The following ABI1 variants were observed in gnomAD, a reference collection of about 807,000 sequenced individuals.
ABI1 encodes abl interactor 1.
A neutral mutation model predicts 54.6 loss-of-function variants in ABI1; 14 were observed. That is an observed-to-expected ratio of 0.26 (90% CI 0.17 to 0.40). ABI1 has a LOEUF of 0.40. Ranked by LOEUF, ABI1 falls within the 10% of genes least tolerant of loss-of-function variation. ABI1 has a pLI of 1.00. For synonymous variants in ABI1, 194 were observed against 209.3 expected (o/e 0.93, Z 0.63); for missense variants, 443 against 598.3 (o/e 0.74, Z 2.71).
chr10:26,767,807 G>A (rs573621928), intron 6 of ABI1, among the ~76,000 whole-genome samples: 1 of 152,260 alleles, frequency 6.6e-6, no homozygotes, highest in Non-Finnish European at 1.5e-5. Flanking sequence ...AACACTTTGG[G>A]AGGCCGAGGT....
At chr10:26,855,769 G>C (rs943586638) in intron 1 of ABI1, among the ~76,000 whole-genome samples, 1 of 151,814 alleles carries the variant, frequency 6.6e-6, no homozygotes, top group African/African-American at 2.4e-5. Context: ...TCAGGAGTTT[G>C]AGACCAGCCT....
intron 10 of ABI1, among the ~76,000 whole-genome samples, chr10:26,749,952 T>C (rs761932212): frequency 2.0e-5 from 3 of 152,244 alleles, no homozygotes; most frequent in Non-Finnish European, 2.9e-5. Flanking sequence ...CTTGGGAATA[T>C]ACTTTTTAAT....
At chr10:26,771,399 T>C (rs1486730873) in intron 3 of ABI1, among the ~76,000 whole-genome samples, 2 of 152,184 alleles carry the variant, frequency 1.3e-5, no homozygotes, top group African/African-American at 2.4e-5. Context: ...GAGTAACAGA[T>C]GATTTTAAAA....
In ABI1 at chr10:26,755,687, A is replaced by T; in HGVS notation, c.1052T>A (p.Leu351His). Reference sequence around the variant, plus strand: ...CTGCACCCTGGCCACGAAGCCTGTGAGAGGTATCTGTGGAGTCAACTGAGG... The same window carrying T: ...CTGCACCCTGGCCACGAAGCCTGTGTGAGGTATCTGTGGAGTCAACTGAGG... ...PMPQLTPQIP[L>H]TGFVARVQEN... Residue 351 changes from leucine (L) to histidine (H), a missense_variant, in exon 9 of 11, where the codon CTC becomes CAC. This residue lies in a region of ABI1 where 394 missense variants were observed against 484.8 expected (regional missense o/e 0.81). Coordinates refer to ENST00000376140, the MANE Select transcript of ABI1 (RefSeq NM_001012750.3). 1.2e-6 allele frequency: 2 copies of T among 1,613,632 alleles called. No homozygotes were observed. Among genetic ancestry groups the T allele is most frequent in the Non-Finnish European group, 1.7e-6 (2 of 1,179,678 alleles).
At chr10:26,751,324 C>T (rs1373504308) in intron 10 of ABI1, among the ~76,000 whole-genome samples, 1 of 152,136 alleles carries the variant, frequency 6.6e-6, no homozygotes, top group African/African-American at 2.4e-5. Flanking sequence ...GCTGTTTCAT[C>T]TATAAAATGC....
intron 7 of ABI1, 118 bp downstream of exon 7, chr10:26,765,100 A>T (rs1336356788): frequency 1.4e-6 from 1 of 728,552 alleles, no homozygotes; most frequent in Non-Finnish European, 2.2e-6. Flanking sequence ...CCTTTATTCT[A>T]GCAACGATCA....
chr10:26,846,861 T>C (rs1410371390), intron 1 of ABI1, among the ~76,000 whole-genome samples: 1 of 152,138 alleles, frequency 6.6e-6, no homozygotes, highest in Non-Finnish European at 1.5e-5. Context: ...TTCCCCCAAA[T>C]GTTCTCGGTT....
In ABI1 at chr10:26,860,750, T is replaced by C. The variant is rs778184875; in HGVS notation, c.114A>G (p.Ile38Met). The change falls in exon 1 of 11, where the codon ATA becomes ATG. Residue 38 changes from isoleucine (I) to methionine (M), a missense_variant. Physicochemically the swap from Ile to Met is conservative, Grantham distance 10. Coordinates refer to ENST00000376140, the MANE Select transcript of ABI1 (RefSeq NM_001012750.3). The surrounding 1 kb of genome is among the most constrained non-coding windows in gnomAD (Gnocchi z 4.1). ...GCCGGCCGCCAGAGCGCCTCACCTG[T>C]ATGTAGTTGTTTTCACAGTAGTCTG... ...RVADYCENNYIQATDKRKALE... is the reference protein window; with the variant it reads ...RVADYCENNYMQATDKRKALE... 3 of 1,610,362 alleles carry C rather than the reference T, an allele frequency of 1.9e-6. No homozygotes were observed. The South Asian group carries it at 3.3e-5, about 18-fold the overall frequency.
At position 26,844,932 on chromosome 10, in the gene ABI1, C is replaced by T. The variant is rs2049860158; in HGVS notation, c.117+15815G>A. ...GTCCTCTAACTGGTCACTGTCCATCCAGTCTCTCCCTTCTCCAATCCATCC... is the reference window on the plus strand; with the variant it reads ...GTCCTCTAACTGGTCACTGTCCATCTAGTCTCTCCCTTCTCCAATCCATCC... On this transcript the variant is annotated intron_variant, in intron 1 of 10. Transcript: ENST00000376140. Among the ~76,000 whole-genome samples the T allele has an allele frequency of 1.3e-5, 2 of 152,256 alleles. 1 individual carries two copies. Among genetic ancestry groups the T allele is most frequent in the Middle Eastern group, 6.8e-3 (2 of 294 alleles).
intron 2 of ABI1, among the ~76,000 whole-genome samples, chr10:26,814,456 T>C (rs1471156710): frequency 1.3e-5 from 2 of 152,180 alleles, no homozygotes; most frequent in African/African-American, 2.4e-5. Context: ...TAATGGACAT[T>C]GCTAAGCACT....
chr10:26,803,796 A>G (rs1473806615), intron 2 of ABI1, among the ~76,000 whole-genome samples: 3 of 152,088 alleles, frequency 2.0e-5, no homozygotes, highest in African/African-American at 7.2e-5. Flanking sequence ...TTGAGGATCA[A>G]CTCCTTGCCA....
At chr10:26,835,286 TA>T (rs2048988516) in intron 1 of ABI1, among the ~76,000 whole-genome samples, 1 of 151,894 alleles carries the variant, frequency 6.6e-6, no homozygotes, top group African/African-American at 2.4e-5. Flanking sequence ...CTCAAAAAAC[TA>T]AAATTAGTCA....
intron 2 of ABI1, among the ~76,000 whole-genome samples, chr10:26,804,146 G>A (rs967736269): frequency 1.3e-5 from 2 of 152,162 alleles, no homozygotes; most frequent in Non-Finnish European, 2.9e-5. Flanking sequence ...ACTTTGGGAG[G>A]CTGAGGCAAG....
chr10:26,758,816 C>G (rs1838714996), intron 8 of ABI1, among the ~76,000 whole-genome samples: 1 of 152,132 alleles, frequency 6.6e-6, no homozygotes, highest in South Asian at 2.1e-4. Flanking sequence ...TTTTGGTATA[C>G]TCAATATAGA....
chr10:26,768,779 C>G (rs1345817472), intron 6 of ABI1, 73 bp downstream of exon 6: 2 of 1,350,500 alleles, frequency 1.5e-6, no homozygotes, highest in Admixed American at 2.2e-5. Flanking sequence ...TTACTCAGCA[C>G]CTCCATAGGA....
At chr10:26,817,095 GT>G (rs1347631592) in intron 2 of ABI1, among the ~76,000 whole-genome samples, 6 of 151,884 alleles carry the variant, frequency 4.0e-5, no homozygotes, top group Admixed American at 3.9e-4. Context: ...TGCCTCCCGA[GT>G]TGAGGCGATT....
At chr10:26,786,709 G>A (rs569558159) in intron 2 of ABI1, among the ~76,000 whole-genome samples, 5 of 152,194 alleles carry the variant, frequency 3.3e-5, no homozygotes, top group South Asian at 2.1e-4. Flanking sequence ...TAACTCTCCC[G>A]AACACTCATT....
chr10:26,752,546 C>G (rs562690833), intron 9 of ABI1, among the ~76,000 whole-genome samples: 1 of 151,716 alleles, frequency 6.6e-6, no homozygotes, highest in African/African-American at 2.4e-5. Context: ...CCTAAAGATT[C>G]GATTTTCTAA....
chr10:26,758,024 C>T (rs1008176775), intron 8 of ABI1, among the ~76,000 whole-genome samples: 4 of 142,044 alleles, frequency 2.8e-5, no homozygotes, highest in East Asian at 2.1e-4. Context: ...ACCGAGATCG[C>T]GCCACTGCAC....
Sources: allele counts gnomAD v4.1 joint callset (sites outside exome capture counted in the v4.1 genomes callset), GRCh38; gene constraint gnomAD v4.1.1; regional missense constraint gnomAD v4.1.1; non-coding constraint Gnocchi (gnomAD v3.1); transcripts MANE v1.5; gene names NCBI Gene and HGNC (gene_info 2026-07-23, HGNC 2026-07-21).